PARD3B: variants seen among roughly 807,000 people sequenced by gnomAD.
PARD3B encodes par-3 family cell polarity regulator beta.
In PARD3B, 103 loss-of-function variants were observed where a neutral mutation model predicts 130.2. The ratio of observed to expected loss-of-function variants is 0.79; its 90% CI spans 0.67 to 0.93. The LOEUF (loss-of-function observed/expected upper bound fraction) is 0.93, where lower values mean the gene tolerates loss of function less well. Among genes scored for constraint, PARD3B ranks in the 40% least tolerant of loss-of-function variants. The pLI, the probability that PARD3B is intolerant of heterozygous loss-of-function variation, is 0.00. For synonymous variants in PARD3B, 583 were observed against 553.2 expected, an observed-to-expected ratio of 1.05 and a Z score of -0.76; for missense variants, 1,609 against 1,499.2, an observed-to-expected ratio of 1.07 and a Z score of -1.21.
intron 20 of PARD3B, among the ~76,000 whole-genome samples, chr2:205,483,138 T>C (rs1032068602): frequency 1.6e-4 from 25 of 152,208 alleles, no homozygotes; most frequent in Non-Finnish European, 4.4e-5. Flanking sequence ...CTGTAAACCT[T>C]GATGGGATTA....
chr2:205,539,088 C>T (rs1016243460), intron 21 of PARD3B, among the ~76,000 whole-genome samples: 3 of 152,118 alleles, frequency 2.0e-5, no homozygotes, highest in Non-Finnish European at 4.4e-5. Context: ...ACCACTGCCT[C>T]TGGGTGTTCA....
intron 2 of PARD3B, among the ~76,000 whole-genome samples, chr2:204,910,684 G>T (rs1223585129): frequency 6.6e-6 from 1 of 152,162 alleles, no homozygotes; most frequent in Non-Finnish European, 1.5e-5. Context: ...CTGTAGCCTA[G>T]GCTGGAGTGC....
intron 4 of PARD3B, among the ~76,000 whole-genome samples, chr2:205,060,571 G>A (rs1286058325): frequency 6.6e-6 from 1 of 152,110 alleles, no homozygotes; most frequent in Non-Finnish European, 1.5e-5. Context: ...GGAAAAGGAA[G>A]ATTGTCTTCT....
chr2:205,315,656 T>G (rs1014547710), intron 18 of PARD3B, among the ~76,000 whole-genome samples: 1 of 152,178 alleles, frequency 6.6e-6, no homozygotes, highest in Non-Finnish European at 1.5e-5. Flanking sequence ...TTTGTTTGTT[T>G]GTTTGTTTGT....
chr2:205,173,625 C>A (rs930917573), intron 12 of PARD3B, among the ~76,000 whole-genome samples: 1 of 152,114 alleles, frequency 6.6e-6, no homozygotes, highest in African/African-American at 2.4e-5. Flanking sequence ...GTAGCTATAC[C>A]TTTTATGCTC....
intron 2 of PARD3B, among the ~76,000 whole-genome samples, chr2:204,748,327 C>A (rs1400303139): frequency 6.6e-6 from 1 of 152,058 alleles, no homozygotes; most frequent in African/African-American, 2.4e-5. Context: ...ACTGTAATTT[C>A]TTCAACTAAG....
chr2:205,540,229 TA>T lies in PARD3B; in HGVS notation c.3181-13083del, dbSNP rs996649537. On this transcript the variant is annotated intron_variant, in intron 21 of 22. Coordinates refer to ENST00000406610, the MANE Select transcript of PARD3B (RefSeq NM_001302769.2). ...AGTTCTTGATTTTGCAAGAGCATAA[TA>T]AAAAAAAAAAACACTGTGAATTGGC... 1.3e-3 allele frequency among the ~76,000 whole-genome samples: 183 copies of T among 140,504 alleles called. 1 individual carries two copies. Among genetic ancestry groups the T allele is most frequent in the Middle Eastern group, 3.7e-3 (1 of 270 alleles). The allele number at this position is 140,504 out of a possible 152,430, so 92.2% of individuals were successfully genotyped here.
intron 3 of PARD3B, among the ~76,000 whole-genome samples, chr2:204,981,651 T>G (rs1692676523): frequency 6.6e-6 from 1 of 152,226 alleles, no homozygotes; most frequent in Admixed American, 6.5e-5. Flanking sequence ...AGATTAAAAC[T>G]TTCTATTCTC....
chr2:205,508,623 C>G (rs1489551023), intron 21 of PARD3B, among the ~76,000 whole-genome samples: 1 of 151,482 alleles, frequency 6.6e-6, no homozygotes, highest in Non-Finnish European at 1.5e-5. Context: ...TGCAGTTGGG[C>G]TGCTGCCACA....
At chr2:205,205,911 T>G (rs759506357) in intron 15 of PARD3B, among the ~76,000 whole-genome samples, 7 of 152,130 alleles carry the variant, frequency 4.6e-5, no homozygotes, top group Non-Finnish European at 1.0e-4. Flanking sequence ...AATTTTCTTC[T>G]TTGGTTGTGC....
rs1281708175 is a variant in PARD3B at position 205,572,552 on chromosome 2, C to T, written c.3260+19149C>T. On this transcript the variant is annotated intron_variant, in intron 22 of 22. Transcript: ENST00000406610. This position sits in a 1 kb window ranked among gnomAD's most constrained non-coding sequence, Gnocchi z 4.2. Reference sequence around the variant, plus strand: ...CTGAGCTCAGGAGTTTGAGACCACCCCAAACAACATGGTGAAACCTCATCT... The same window carrying T: ...CTGAGCTCAGGAGTTTGAGACCACCTCAAACAACATGGTGAAACCTCATCT... 6.6e-6 allele frequency among the ~76,000 whole-genome samples: 1 copy of T among 152,098 alleles called. No individual in the cohort carries two copies. Among genetic ancestry groups the T allele is most frequent in the Non-Finnish European group, 1.5e-5 (1 of 68,030 alleles).
intron 19 of PARD3B, among the ~76,000 whole-genome samples, chr2:205,416,455 G>T (rs1456165379): frequency 2.6e-5 from 4 of 152,140 alleles, no homozygotes; most frequent in Non-Finnish European, 5.9e-5. Flanking sequence ...GAAACAGGGA[G>T]ATGTTGAAAA....
At chr2:205,266,775 T>A (rs1203564453) in intron 16 of PARD3B, among the ~76,000 whole-genome samples, 1 of 152,144 alleles carries the variant, frequency 6.6e-6, no homozygotes, top group Non-Finnish European at 1.5e-5. Context: ...GGTCTCTGAT[T>A]CAACCAGGAA....
intron 1 of PARD3B, among the ~76,000 whole-genome samples, chr2:204,602,137 G>A (rs1381821314): frequency 6.6e-6 from 1 of 151,986 alleles, no homozygotes; most frequent in Non-Finnish European, 1.5e-5. Context: ...TTTACTCCTT[G>A]AGCCTAAATA....
chr2:204,813,785 T>C (rs2043047766), intron 2 of PARD3B, among the ~76,000 whole-genome samples: 1 of 152,166 alleles, frequency 6.6e-6, no homozygotes, highest in Non-Finnish European at 1.5e-5. Flanking sequence ...CTACGCTGTA[T>C]TGCCATTTGC....
At chr2:204,808,151 A>C (rs2042841586) in intron 2 of PARD3B, among the ~76,000 whole-genome samples, 1 of 152,092 alleles carries the variant, frequency 6.6e-6, no homozygotes, top group Non-Finnish European at 1.5e-5. Flanking sequence ...ATATTTCTAC[A>C]AGAAATTTGT....
intron 2 of PARD3B, among the ~76,000 whole-genome samples, chr2:204,808,153 G>T (rs2042841684): frequency 6.6e-6 from 1 of 151,808 alleles, no homozygotes; most frequent in Non-Finnish European, 1.5e-5. Flanking sequence ...ATTTCTACAA[G>T]AAATTTGTAA....
chr2:204,983,939 G>A (rs551876314), intron 3 of PARD3B, among the ~76,000 whole-genome samples: 11 of 151,940 alleles, frequency 7.2e-5, no homozygotes, highest in Non-Finnish European at 1.5e-4. Flanking sequence ...TATTGAAGTT[G>A]TATGTCAGTA....
At chr2:205,541,276 C>T (rs903952279) in intron 21 of PARD3B, among the ~76,000 whole-genome samples, 4 of 150,792 alleles carry the variant, frequency 2.7e-5, no homozygotes, top group African/African-American at 9.8e-5. Context: ...GTTTTTTTCT[C>T]TTTCCCTGTC....
Sources: gnomAD v4.1 joint callset for allele counts (sites outside exome capture counted in the v4.1 genomes callset) on GRCh38, gnomAD v4.1.1 for gene constraint, Gnocchi (gnomAD v3.1) non-coding constraint, MANE v1.5 for transcripts, NCBI Gene and HGNC (gene_info 2026-07-23, HGNC 2026-07-21) for gene names.